NT5DC2: variants seen among roughly 807,000 people sequenced by gnomAD.
NT5DC2 encodes 5'-nucleotidase domain containing 2.
In NT5DC2, 41 loss-of-function variants were observed where a neutral mutation model predicts 70.0. That is an observed-to-expected ratio of 0.59 (90% confidence interval 0.46 to 0.76). The LOEUF is 0.76. Among genes scored for constraint, NT5DC2 ranks in the 30% least tolerant of loss-of-function variants. The pLI is 0.00. For synonymous variants in NT5DC2, 299 were observed against 310.4 expected (o/e 0.96, Z 0.39); for missense variants, 705 against 783.2 (o/e 0.90, Z 1.19).
chr3:52,532,711 G>A (rs1188481736), intron 1 of NT5DC2, among the ~76,000 whole-genome samples: 1 of 152,024 alleles, frequency 6.6e-6, no homozygotes, highest in Non-Finnish European at 1.5e-5. Context: ...GAGACTTGCT[G>A]GGGGACCACC....
Position 52,527,647 on chromosome 3 carries a change from T to C in NT5DC2, c.1007A>G (p.Asp336Gly), listed in dbSNP as rs889816295. The change falls in exon 9 of 14, where the codon GAC (aspartate) becomes GGC (glycine). Residue 336 changes from aspartate (D) to glycine (G), a missense_variant. Coordinates refer to ENST00000422318, the MANE Select transcript of NT5DC2 (RefSeq NM_001134231.2). ...QLFDVVIVQA[D>G]KPSFFTDRRK... ...CCGGTCAGTGAAGAAGCTGGGCTTG[T>C]CTGCCTGGACAATGACCACATCGAA... The C allele has an allele frequency of 6.2e-7, 1 of 1,612,984 alleles. No individual in the cohort carries two copies. Among genetic ancestry groups the C allele is most frequent in the Non-Finnish European group, 8.5e-7 (1 of 1,180,014 alleles).
At chr3:52,532,607 G>C in intron 1 of NT5DC2, 4 of 647,436 alleles carry the variant, frequency 6.2e-6, no homozygotes, top group Non-Finnish European at 7.7e-6. Context: ...GGGTTCCTCC[G>C]GAAGCTCTCC....
upstream of NT5DC2, chr3:52,533,881 C>T (rs2079395811): frequency 2.1e-6 from 2 of 968,084 alleles, no homozygotes; most frequent in Admixed American, 6.3e-5. Flanking sequence ...GGAGCCCGGC[C>T]TGCCAATGGG....
chr3:52,526,397 C>T (rs1018683565), intron 10 of NT5DC2: 5 of 152,314 alleles, frequency 3.3e-5, no homozygotes, highest in Non-Finnish European at 5.9e-5. Context: ...CCTCCAGCCC[C>T]AAGGCCTTTA....
intron 10 of NT5DC2, among the ~76,000 whole-genome samples, chr3:52,526,744 C>T (rs748958750): frequency 3.3e-5 from 5 of 152,196 alleles, no homozygotes; most frequent in African/African-American, 9.7e-5. Flanking sequence ...ACCACAGCCT[C>T]GAACTCCTGG....
chr3:52,528,277 GAGA>G lies in NT5DC2; in HGVS notation c.674_676del (p.Phe225del), dbSNP rs2079309172. The G allele has an allele frequency of 1.2e-6, 2 of 1,613,390 alleles. No homozygotes were observed. The highest frequency in any genetic ancestry group is 1.6e-4 in the Middle Eastern group (1 of 6,062). Reference sequence around the variant, plus strand: ...GGACAGCAGAGCCATCTCCGGTAGCGAGAAGATGTCCATGAACTGCTTAATGGA... The same window carrying G: ...GGACAGCAGAGCCATCTCCGGTAGCGAGATGTCCATGAACTGCTTAATGGA... On this transcript the variant is annotated inframe_deletion, in exon 6 of 14. Coordinates refer to ENST00000422318, the MANE Select transcript of NT5DC2 (RefSeq NM_001134231.2).
In NT5DC2 at chr3:52,524,952, C is replaced by T. The variant is rs1269928468; in HGVS notation, c.1347+11G>A. ...CCGCCCTGGCCCTCCCACAGCCACC[C>T]CGGCCCACACCTGCATGCGCTCCAG... On this transcript the variant is annotated intron_variant, in intron 12 of 13. Transcript: ENST00000422318. 2 of 1,612,226 alleles carry T rather than the reference C, an allele frequency of 1.2e-6. No homozygotes were observed. Among genetic ancestry groups the T allele is most frequent in the Non-Finnish European group, 1.7e-6 (2 of 1,179,776 alleles).
chr3:52,534,372 C>T, upstream of NT5DC2: 1 of 1,151,120 alleles, frequency 8.7e-7, no homozygotes, highest in South Asian at 1.3e-5. Context: ...ATAAAGAGCC[C>T]TTCCCGCGCT....
At chr3:52,532,451 G>A (rs1268701095) in intron 1 of NT5DC2, 3 of 985,410 alleles carry the variant, frequency 3.0e-6, no homozygotes, top group Non-Finnish European at 3.6e-6. Context: ...ATTCCTCAGG[G>A]GCCTTTACCA....
chr3:52,534,485 G>A (rs750337111), upstream of NT5DC2: 178 of 1,611,500 alleles, frequency 1.1e-4, no homozygotes, highest in Middle Eastern at 1.6e-4. Context: ...TGTGGGCCAC[G>A]GTCACTGCGC....
At chr3:52,525,810 T>C (rs1434223638) in intron 10 of NT5DC2, 1 of 156,632 alleles carries the variant, frequency 6.4e-6, no homozygotes, top group Admixed American at 6.4e-5. Flanking sequence ...ACCAGACTAG[T>C]GCTCAGGCAG....
chr3:52,526,594 T>C (rs748616380), intron 10 of NT5DC2: 3 of 152,366 alleles, frequency 2.0e-5, no homozygotes, highest in Non-Finnish European at 4.4e-5. Context: ...ACCAGACTTG[T>C]TCTGGCTGCA....
rs758562374 is a variant in NT5DC2 at position 52,525,083 on chromosome 3, G to A, written c.1227C>T (p.Gly409=). 2 of 1,490,182 alleles carry A rather than the reference G, an allele frequency of 1.3e-6. No homozygotes were observed. Among genetic ancestry groups the A allele is most frequent in the Non-Finnish European group, 1.8e-6 (2 of 1,108,950 alleles). 92.3% of individuals were successfully genotyped at this position (1,490,182 alleles called of 1,614,324 possible). A position where few individuals can be genotyped will look rare whatever the true frequency, so the allele number is the denominator to read the frequency against. ...CGGGGATGATGGCGCCTGTGCGCCA[G>A]CCGTGCCGCAGCATGAGATCCTGGT... ...SDLADLMLRH[G]WRTGAIIPEL... is the part of the protein sequence containing the mutation. The change falls in exon 12 of 14, where the codon GGC becomes GGT. Residue 409 remains glycine, a synonymous_variant. Coordinates refer to ENST00000422318, the MANE Select transcript of NT5DC2 (RefSeq NM_001134231.2).
At position 52,527,904 on chromosome 3, in the gene NT5DC2, G is replaced by C. The variant is rs771645958; in HGVS notation, c.860C>G (p.Thr287Arg). The C allele has an allele frequency of 6.2e-7, 1 of 1,613,556 alleles. No homozygotes were observed. The highest frequency in any genetic ancestry group is 1.7e-5 in the Admixed American group (1 of 60,030). ...MEKYILRGDETFAVLSRLVAH... is the reference protein window; with the variant it reads ...MEKYILRGDERFAVLSRLVAH... ...CACCAGGCGGCTCAGGACAGCAAACGTCTCATCCCCTCTCAGGATGTACTT... is the reference window on the plus strand; with the variant it reads ...CACCAGGCGGCTCAGGACAGCAAACCTCTCATCCCCTCTCAGGATGTACTT... The change falls in exon 8 of 14, where the codon ACG becomes AGG. Residue 287 changes from threonine to arginine, a missense_variant. Physicochemically the swap from Thr to Arg is moderately conservative, Grantham distance 71. Coordinates refer to ENST00000422318, the MANE Select transcript of NT5DC2 (RefSeq NM_001134231.2).
chr3:52,533,908 G>C (rs1449898392), upstream of NT5DC2: 3 of 871,574 alleles, frequency 3.4e-6, no homozygotes, highest in African/African-American at 3.7e-5. Flanking sequence ...CCTCGGCCCG[G>C]GGGGCGGGAG....
In NT5DC2 at chr3:52,524,798, C is replaced by T. The variant is rs1437784154; in HGVS notation, c.1412+19G>A. 1 of 1,612,526 alleles carries T rather than the reference C, an allele frequency of 6.2e-7. No homozygotes were observed. Among genetic ancestry groups the T allele is most frequent in the Admixed American group, 1.7e-5 (1 of 60,020 alleles). ...GTGGTGGCTTGGCTGGGACTCCTGC[C>T]CTGGCCCCACCTGCTCACCTCAGCT... is the stretch of plus-strand genomic sequence containing the variant. On this transcript the variant is annotated intron_variant, in intron 13 of 13. Coordinates refer to ENST00000422318, the MANE Select transcript of NT5DC2 (RefSeq NM_001134231.2).
In NT5DC2 at chr3:52,527,837, G is replaced by A; in HGVS notation, c.927C>T (p.Phe309=). The A allele has an allele frequency of 6.2e-7, 1 of 1,613,346 alleles. No individual in the cohort carries two copies. Among genetic ancestry groups the A allele is most frequent in the Non-Finnish European group, 8.5e-7 (1 of 1,180,004 alleles). Residue 309 remains phenylalanine (F), a synonymous_variant, in exon 8 of 14, where the codon TTC becomes TTT. Transcript: ENST00000422318. ...KQLFLITNSP[F]SFVDKGMRHM... is the part of the protein sequence containing the mutation. ...ACAGGGGCTGGACTCACACGAAGCTGAAAGGACTGTTGGTGATGAGGAACA... is the reference window on the plus strand; with the variant it reads ...ACAGGGGCTGGACTCACACGAAGCTAAAAGGACTGTTGGTGATGAGGAACA...
At chr3:52,534,789 G>T (rs7639267), upstream of NT5DC2, 613,634 of 1,111,396 alleles carry the variant, frequency 0.55, 172,965 homozygotes, top group African/African-American at 0.66. Flanking sequence ...TGAGGTGGCC[G>T]CGCTGTCTTT....
At chr3:52,533,288 G>C (rs1053784703) in intron 1 of NT5DC2, among the ~76,000 whole-genome samples, 5 of 152,124 alleles carry the variant, frequency 3.3e-5, no homozygotes, top group Non-Finnish European at 7.4e-5. Flanking sequence ...CCGAGCCGGG[G>C]AACAAACCTC....
Sources: gnomAD v4.1 joint callset for allele counts (sites outside exome capture counted in the v4.1 genomes callset) on GRCh38, gnomAD v4.1.1 for gene constraint, MANE v1.5 for transcripts, NCBI Gene and HGNC (gene_info 2026-07-23, HGNC 2026-07-21) for gene names.